The following NALF1 variants were observed in gnomAD, a reference collection of about 807,000 sequenced individuals.
NALF1 encodes the protein NALCN channel auxiliary factor 1.
NALF1 carries 3 observed loss-of-function variants against 48.4 expected under a neutral mutation model. The observed-to-expected ratio is 0.06, with a 90% CI of 0.03 to 0.16. The LOEUF (loss-of-function observed/expected upper bound fraction) is 0.16. Ranked by LOEUF, NALF1 falls within the 10% of genes least tolerant of loss-of-function variation. NALF1 has a pLI of 1.00. For synonymous variants in NALF1, 262 were observed against 245.7 expected (o/e 1.07, Z -0.62); for missense variants, 526 against 571.5 (o/e 0.92, Z 0.81).
intron 1 of NALF1, among the ~76,000 whole-genome samples, chr13:107,502,204 A>G (rs975480024): frequency 2.0e-5 from 3 of 152,158 alleles, no homozygotes; most frequent in African/African-American, 7.2e-5. Context: ...AAGTCTTCCT[A>G]TTAGTAGTGT....
intron 1 of NALF1, among the ~76,000 whole-genome samples, chr13:107,463,928 C>A (rs899467099): frequency 2.0e-5 from 3 of 152,174 alleles, no homozygotes; most frequent in African/African-American, 7.2e-5. Context: ...TTTTTAAAAA[C>A]TGATGTGTAA....
chr13:107,322,799 C>T (rs1042438509), intron 1 of NALF1, among the ~76,000 whole-genome samples: 2 of 152,104 alleles, frequency 1.3e-5, no homozygotes, highest in Non-Finnish European at 2.9e-5. Context: ...GGCTGAGTTG[C>T]TTTACCATTC....
chr13:107,323,256 G>A (rs1332217891), intron 1 of NALF1, among the ~76,000 whole-genome samples: 1 of 152,076 alleles, frequency 6.6e-6, no homozygotes, highest in African/African-American at 2.4e-5. Context: ...AAAAAACATT[G>A]TATCTATAAT....
rs143077563 is a variant in NALF1, at chr13:107,866,453, G to C, written c.144C>G (p.Phe48Leu). 6.2e-7 allele frequency: 1 copy of C among 1,614,178 alleles called. No individual in the cohort carries two copies. The highest frequency in any genetic ancestry group is 8.5e-7 in the Non-Finnish European group (1 of 1,180,036). Residue 48 changes from phenylalanine (F) to leucine (L), a missense_variant, in exon 1 of 3, where the codon TTC (phenylalanine) becomes TTG (leucine). Phe to Leu is a conservative substitution (Grantham distance 22, BLOSUM62 0). Coordinates refer to ENST00000375915, the MANE Select transcript of NALF1 (RefSeq NM_001080396.3). This position sits in a 1 kb window ranked among gnomAD's most constrained non-coding sequence, Gnocchi z 4.4. The part of the protein sequence containing the change: ...WRLSLASLLF[F>L]TVLLSDHLWF... ...ACAAGTGATCAGAGAGCAGGACTGT[G>C]AAAAACAAGAGAGATGCCAGAGACA...
intron 1 of NALF1, among the ~76,000 whole-genome samples, chr13:107,782,792 A>G (rs1246007997): frequency 4.8e-5 from 7 of 144,642 alleles, no homozygotes; most frequent in Admixed American, 4.8e-4. Context: ...GCCCCATCTG[A>G]GAAGGGAGGA....
intron 1 of NALF1, among the ~76,000 whole-genome samples, chr13:107,605,966 C>T (rs1368409769): frequency 6.6e-6 from 1 of 152,160 alleles, no homozygotes; most frequent in African/African-American, 2.4e-5. Context: ...TCAAGGGATG[C>T]AAACCTGGGA....
At chr13:107,657,140 A>C (rs1880601211) in intron 1 of NALF1, among the ~76,000 whole-genome samples, 1 of 151,746 alleles carries the variant, frequency 6.6e-6, no homozygotes, top group African/African-American at 2.4e-5. Flanking sequence ...ATGCAACCAA[A>C]CAATACCTGT....
At chr13:107,191,670 ATT>A (rs71204820) in intron 2 of NALF1, among the ~76,000 whole-genome samples, 14 of 142,020 alleles carry the variant, frequency 9.9e-5, no homozygotes, top group African/African-American at 7.8e-5. Flanking sequence ...AAAATTCTTA[ATT>A]TTTTTTTTTT....
At chr13:107,772,835 G>A (rs1877617635) in intron 1 of NALF1, among the ~76,000 whole-genome samples, 1 of 152,030 alleles carries the variant, frequency 6.6e-6, no homozygotes, top group African/African-American at 2.4e-5. Flanking sequence ...GTTTTCCATG[G>A]AACAAGTTTT....
At chr13:107,731,218 A>G in intron 1 of NALF1, among the ~76,000 whole-genome samples, 1 of 152,190 alleles carries the variant, frequency 6.6e-6, no homozygotes, top group East Asian at 1.9e-4. Context: ...ATATCTTCAC[A>G]AAGAGATGAT....
intron 1 of NALF1, among the ~76,000 whole-genome samples, chr13:107,557,489 T>C (rs1053599484): frequency 5.9e-5 from 9 of 152,022 alleles, no homozygotes; most frequent in African/African-American, 1.9e-4. Flanking sequence ...GTTAGTAGGT[T>C]TGGCCTACTA....
intron 1 of NALF1, among the ~76,000 whole-genome samples, chr13:107,659,668 A>G (rs1304060581): frequency 1.3e-5 from 2 of 151,768 alleles, no homozygotes; most frequent in East Asian, 3.9e-4. Flanking sequence ...AAAATATAAA[A>G]TCAATAATAT....
chr13:107,543,760 TACAC>T (rs1304803125), intron 1 of NALF1, among the ~76,000 whole-genome samples: 1 of 152,044 alleles, frequency 6.6e-6, no homozygotes, highest in African/African-American at 2.4e-5. Context: ...CATGTATATA[TACAC>T]ACACATTTAT....
chr13:107,490,682 A>G (rs1885401444), intron 1 of NALF1, among the ~76,000 whole-genome samples: 1 of 152,156 alleles, frequency 6.6e-6, no homozygotes, highest in African/African-American at 2.4e-5. Context: ...TACATATGTA[A>G]CAAACCTGCA....
At chr13:107,202,600 A>G (rs1316739420) in intron 2 of NALF1, among the ~76,000 whole-genome samples, 1 of 152,192 alleles carries the variant, frequency 6.6e-6, no homozygotes, top group African/African-American at 2.4e-5. Flanking sequence ...TCCTGAGAAC[A>G]ATGACCTAGA....
At chr13:107,517,493 G>A (rs989287845) in intron 1 of NALF1, among the ~76,000 whole-genome samples, 3 of 151,980 alleles carry the variant, frequency 2.0e-5, no homozygotes, top group Non-Finnish European at 4.4e-5. Context: ...TTAGCCGGGC[G>A]TGGTGGTGGA....
At chr13:107,449,900 G>A (rs1463735227) in intron 1 of NALF1, among the ~76,000 whole-genome samples, 4 of 152,132 alleles carry the variant, frequency 2.6e-5, no homozygotes, top group Non-Finnish European at 5.9e-5. Flanking sequence ...GAATTCCACA[G>A]CTAGTAAGTA....
intron 1 of NALF1, among the ~76,000 whole-genome samples, chr13:107,718,732 C>T (rs1875897072): frequency 6.6e-6 from 1 of 152,186 alleles, no homozygotes; most frequent in East Asian, 1.9e-4. Flanking sequence ...TATTTCACCC[C>T]TACTCTGAAC....
intron 1 of NALF1, among the ~76,000 whole-genome samples, chr13:107,366,238 G>A (rs936295862): frequency 5.3e-5 from 8 of 152,236 alleles, no homozygotes; most frequent in East Asian, 1.9e-4. Flanking sequence ...CAGAAACTGC[G>A]TACTATGCCA....
Sources: allele counts gnomAD v4.1 joint callset (sites outside exome capture counted in the v4.1 genomes callset), GRCh38; gene constraint gnomAD v4.1.1; non-coding constraint Gnocchi (gnomAD v3.1); transcripts MANE v1.5; gene names NCBI Gene and HGNC (gene_info 2026-07-23, HGNC 2026-07-21).